The following EXOC4 variants were observed in gnomAD, a reference collection of about 807,000 sequenced individuals.
EXOC4 encodes exocyst complex component 4.
EXOC4 carries 71 observed loss-of-function variants against 107.2 expected under a neutral mutation model. The ratio of observed to expected loss-of-function variants is 0.66; its 90% CI spans 0.55 to 0.81. The LOEUF (loss-of-function observed/expected upper bound fraction) is 0.81. EXOC4 is among the 30% of genes least tolerant of loss of function. The probability of loss-of-function intolerance (pLI) is 0.00; values close to 1 mark genes in which losing one functional copy is unlikely to be tolerated. For synonymous variants in EXOC4, 456 were observed against 441.2 expected, an observed-to-expected ratio of 1.03 and a Z score of -0.42; for missense variants, 1,108 against 1,189.6, an observed-to-expected ratio of 0.93 and a Z score of 1.01.
At chr7:133,314,914 CTG>C (rs969061258) in intron 4 of EXOC4, 6 of 152,056 alleles carry the variant, frequency 3.9e-5, no homozygotes, top group African/African-American at 1.2e-4. Flanking sequence ...TACCATAAAC[CTG>C]TGTCTTTTTT....
chr7:133,539,706 T>C (rs1800343328), intron 9 of EXOC4, among the ~76,000 whole-genome samples: 1 of 152,106 alleles, frequency 6.6e-6, no homozygotes, highest in African/African-American at 2.4e-5. Flanking sequence ...TAGCAGTTTT[T>C]AAGTATAGGA....
chr7:134,004,792 T>C, intron 15 of EXOC4, 120 bp from the exon 16 acceptor site: 2 of 792,090 alleles, frequency 2.5e-6, no homozygotes, highest in African/African-American at 1.7e-5. Flanking sequence ...TTGGCTATCA[T>C]GGCTAGTCTT....
chr7:133,917,784 A>G (rs1461799227), intron 13 of EXOC4, 46 bp downstream of exon 13: 1 of 1,554,076 alleles, frequency 6.4e-7, no homozygotes, highest in African/African-American at 1.4e-5. Context: ...GGGAGGAAGC[A>G]CATCTGTTTA....
chr7:133,917,053 T>G (rs1313838208), intron 12 of EXOC4, among the ~76,000 whole-genome samples: 1 of 152,096 alleles, frequency 6.6e-6, no homozygotes, highest in Admixed American at 6.5e-5. Flanking sequence ...GCCTGACAAC[T>G]GGGGCTGAGG....
At chr7:133,325,615 C>T (rs1563019228) in intron 5 of EXOC4, among the ~76,000 whole-genome samples, 2 of 152,174 alleles carry the variant, frequency 1.3e-5, no homozygotes, top group African/African-American at 4.8e-5. Flanking sequence ...TGTGGGTAAC[C>T]CGACCTTTCT....
At chr7:133,323,324 T>C (rs1448774936) in intron 5 of EXOC4, among the ~76,000 whole-genome samples, 1 of 152,210 alleles carries the variant, frequency 6.6e-6, no homozygotes, top group Admixed American at 6.5e-5. Flanking sequence ...TTTTTGCCCA[T>C]TCAGTATGAT....
At chr7:133,795,501 C>T (rs115996569) in intron 10 of EXOC4, among the ~76,000 whole-genome samples, 259 of 152,252 alleles carry the variant, frequency 1.7e-3, no homozygotes, top group African/African-American at 5.9e-3. Flanking sequence ...TCATGGAACA[C>T]GGGGCTGTAT....
chr7:133,825,832 T>G (rs900046872), intron 11 of EXOC4, among the ~76,000 whole-genome samples: 1 of 152,126 alleles, frequency 6.6e-6, no homozygotes, highest in South Asian at 2.1e-4. Flanking sequence ...AAAAGAGAAC[T>G]GATCAATTGA....
intron 10 of EXOC4, among the ~76,000 whole-genome samples, chr7:133,687,860 A>T (rs917157590): frequency 3.3e-5 from 5 of 152,172 alleles, no homozygotes; most frequent in Non-Finnish European, 7.4e-5. Flanking sequence ...ATCAGTTACC[A>T]TGAAATGTGA....
At chr7:133,500,112 G>A (rs952612383) in intron 9 of EXOC4, among the ~76,000 whole-genome samples, 1 of 152,006 alleles carries the variant, frequency 6.6e-6, no homozygotes, top group South Asian at 2.1e-4. Context: ...AAAATAACTT[G>A]CATTTGAAAT....
rs1798925813 is a variant in EXOC4 at position 133,473,264 on chromosome 7, C to T, written c.1183-2064C>T. ...TTGGGTAGTTTGGGTGATGTATTAACAGAGCTAGTACTTATCATTATATTA... is the reference window on the plus strand; with the variant it reads ...TTGGGTAGTTTGGGTGATGTATTAATAGAGCTAGTACTTATCATTATATTA... On this transcript the variant is annotated intron_variant, in intron 7 of 17. Transcript: ENST00000253861. Among the ~76,000 whole-genome samples, 3 of 152,288 alleles carry T rather than the reference C, an allele frequency of 2.0e-5. No homozygotes were observed. The South Asian group carries it at 6.2e-4, about 32-fold the overall frequency.
At chr7:134,100,842 G>C in the EXOC4 span, among the ~76,000 whole-genome samples, 1 of 129,268 alleles carries the variant, frequency 7.7e-6, no homozygotes, top group East Asian at 2.1e-4. Context: ...TACTTGGGAG[G>C]CTGAGGCAGG....
At position 133,350,742 on chromosome 7, in the gene EXOC4, G is replaced by A. The variant is rs73148934; in HGVS notation, c.764-5588G>A. ...AAAATGTCATTGGGATTTTGATGGG[G>A]CAGTTGCATTGACTTTGTAAACTGC... On this transcript the variant is annotated intron_variant, in intron 5 of 17. Transcript: ENST00000253861. Among the ~76,000 whole-genome samples the A allele has an allele frequency of 1.7e-3, 264 of 152,098 alleles. 1 individual carries two copies. Among genetic ancestry groups the A allele is most frequent in the Middle Eastern group, 3.4e-3 (1 of 294 alleles).
chr7:133,634,468 T>C (rs1745983448), intron 10 of EXOC4, among the ~76,000 whole-genome samples: 1 of 151,970 alleles, frequency 6.6e-6, no homozygotes, highest in African/African-American at 2.4e-5. Flanking sequence ...TTTTTAATGA[T>C]AGTTTTTTTT....
At chr7:133,280,508 C>T (rs559581971) in intron 2 of EXOC4, among the ~76,000 whole-genome samples, 29 of 152,170 alleles carry the variant, frequency 1.9e-4, no homozygotes, top group Non-Finnish European at 3.7e-4. Flanking sequence ...ATGCTTATCA[C>T]TGGAACAGGG....
intron 7 of EXOC4, among the ~76,000 whole-genome samples, chr7:133,467,867 C>T (rs966792768): frequency 2.0e-5 from 3 of 151,932 alleles, no homozygotes; most frequent in Non-Finnish European, 4.4e-5. Context: ...ATCTTGTCCT[C>T]CTATAAATGC....
intron 15 of EXOC4, among the ~76,000 whole-genome samples, chr7:134,004,059 C>A (rs548005743): frequency 2.6e-5 from 4 of 152,076 alleles, no homozygotes; most frequent in African/African-American, 9.7e-5. Flanking sequence ...TTCCATGGCA[C>A]GTGGATGGAT....
intron 7 of EXOC4, among the ~76,000 whole-genome samples, chr7:133,376,756 G>A (rs1796499694): frequency 6.6e-6 from 1 of 152,130 alleles, no homozygotes; most frequent in South Asian, 2.1e-4. Flanking sequence ...AACATACTGT[G>A]CTTTCAGCTG....
intron 7 of EXOC4, among the ~76,000 whole-genome samples, chr7:133,448,394 C>T (rs1327732643): frequency 6.6e-6 from 1 of 152,016 alleles, no homozygotes; most frequent in Non-Finnish European, 1.5e-5. Flanking sequence ...ACCTCCTGGG[C>T]TTAAGCAATC....
Sources: gnomAD v4.1 joint callset for allele counts (sites outside exome capture counted in the v4.1 genomes callset) on GRCh38, gnomAD v4.1.1 for gene constraint, MANE v1.5 for transcripts, NCBI Gene and HGNC (gene_info 2026-07-23, HGNC 2026-07-21) for gene names.